Variants in DNAH17 observed in about 807,000 individuals in gnomAD.
DNAH17 encodes dynein axonemal heavy chain 17, also known as axonemal beta dynein heavy chain 17.
In DNAH17, 376 loss-of-function variants were observed where a neutral mutation model predicts 485.6. The ratio of observed to expected loss-of-function variants is 0.77; its 90% CI spans 0.71 to 0.84. DNAH17 has a LOEUF of 0.84. Ranked by LOEUF, DNAH17 falls within the 40% of genes least tolerant of loss-of-function variation. The pLI is 0.00. For synonymous variants in DNAH17, 3,031 were observed against 2,405.9 expected (o/e 1.26, Z -7.60); for missense variants, 6,370 against 5,839.3 (o/e 1.09, Z -2.96).
At chr17:78,508,887 C>T (rs2090560052) in intron 27 of DNAH17, among the ~76,000 whole-genome samples, 1 of 151,602 alleles carries the variant, frequency 6.6e-6, no homozygotes, top group Admixed American at 6.6e-5. Flanking sequence ...CCGCAGCCTC[C>T]ATCTCCTGAG....
At chr17:78,530,924 C>G (rs932855365) in intron 20 of DNAH17, among the ~76,000 whole-genome samples, 24 of 152,334 alleles carry the variant, frequency 1.6e-4, no homozygotes, top group African/African-American at 5.5e-4. Flanking sequence ...GCATGGGTCA[C>G]CCTTGCCCAC....
Position 78,491,508 on chromosome 17 carries a change from T to C in DNAH17, c.6604A>G (p.Ile2202Val), listed in dbSNP as rs1411771946. The change falls in exon 43 of 81, where the codon ATC becomes GTC. Residue 2202 changes from isoleucine to valine, a missense_variant. By Grantham distance (29) the Ile-to-Val change is conservative (BLOSUM62 3). Transcript: ENST00000389840. Reference sequence around the variant, plus strand: ...ATGGGGTCTATGTCTCCGTCAAGGATGATCCACTTGGGGCCGTCATGGGTG... The same window carrying C: ...ATGGGGTCTATGTCTCCGTCAAGGACGATCCACTTGGGGCCGTCATGGGTG... ...NITHDGPKWIILDGDIDPMWI... is the reference protein window; with the variant it reads ...NITHDGPKWIVLDGDIDPMWI... 1.2e-5 allele frequency: 20 copies of C among 1,613,802 alleles called. No individual in the cohort carries two copies. Among genetic ancestry groups the C allele is most frequent in the Admixed American group, 1.7e-5 (1 of 59,974 alleles).
intron 63 of DNAH17, among the ~76,000 whole-genome samples, chr17:78,455,265 T>C (rs935062063): frequency 6.6e-6 from 1 of 151,630 alleles, no homozygotes; most frequent in Non-Finnish European, 1.5e-5. Flanking sequence ...GAAGTCAAGG[T>C]GCCATGTGGC....
chr17:78,477,975 TCA>T, intron 51 of DNAH17, among the ~76,000 whole-genome samples: 1 of 105,682 alleles, frequency 9.5e-6, no homozygotes, highest in African/African-American at 5.7e-5. Context: ...ACCACCACCA[TCA>T]TCATCACCAC....
intron 50 of DNAH17, 111 bp downstream of exon 50, chr17:78,479,374 T>C (rs955711102): frequency 1.7e-5 from 23 of 1,322,276 alleles, no homozygotes; most frequent in Admixed American, 3.0e-5. Flanking sequence ...TTTTAAGATA[T>C]TGATTTAGAA....
At position 78,525,207 on chromosome 17, in the gene DNAH17, G is replaced by A. The variant is rs371391866; in HGVS notation, c.3712-46C>T. 47 of 1,593,522 alleles carry A rather than the reference G, an allele frequency of 2.9e-5. No homozygotes were observed. The Middle Eastern group carries it at 7.0e-4, about 24-fold the overall frequency. ...GTCAGTAGGGCTACCTACCCTCAGC[G>A]GTGCCCCACCCCACTCCCCGACGTT... On this transcript the variant is annotated intron_variant, in intron 24 of 80. Coordinates refer to ENST00000389840, the MANE Select transcript of DNAH17 (RefSeq NM_173628.4).
intron 30 of DNAH17, among the ~76,000 whole-genome samples, chr17:78,505,726 C>G (rs1006607468): frequency 6.6e-6 from 1 of 152,216 alleles, no homozygotes; most frequent in Non-Finnish European, 1.5e-5. Context: ...CACCTGTAAT[C>G]CCAGCACTTT....
At chr17:78,533,434 G>T (rs552302921) in intron 19 of DNAH17, among the ~76,000 whole-genome samples, 1 of 152,174 alleles carries the variant, frequency 6.6e-6, no homozygotes, top group Non-Finnish European at 1.5e-5. Context: ...AGCAAAGCAC[G>T]TGCAAAGGCC....
At chr17:78,544,811 A>AAAAAAAAAAAAAAG (rs2091710226) in intron 16 of DNAH17, among the ~76,000 whole-genome samples, 1 of 150,052 alleles carries the variant, frequency 6.7e-6, no homozygotes, top group East Asian at 2.0e-4. Flanking sequence ...AAAAAAAAAA[A>AAAAAAAAAAAAAAG]AAAAAAAAAA....
Position 78,494,795 on chromosome 17 carries a change from G to T in DNAH17, c.6068C>A (p.Ala2023Asp). The T allele has an allele frequency of 1.9e-6, 3 of 1,611,064 alleles. No homozygotes were observed. The highest frequency in any genetic ancestry group is 2.5e-6 in the Non-Finnish European group (3 of 1,178,236). ...GGCCACCACCAGCACAGACTTGATG[G>T]CTCTCAGGCCCCAGTCGTAATGATC... Reference protein sequence around the residue: ...KQDHYDWGLRAIKSVLVVAGS... With the variant: ...KQDHYDWGLRDIKSVLVVAGS... Residue 2023 changes from alanine (A) to aspartate (D), a missense_variant, in exon 40 of 81, where the codon GCC becomes GAC. Ala to Asp is a moderately radical substitution (Grantham distance 126, BLOSUM62 -2). Transcript: ENST00000389840.
intron 64 of DNAH17, among the ~76,000 whole-genome samples, chr17:78,453,941 C>G (rs1168577011): frequency 1.3e-5 from 2 of 152,102 alleles, no homozygotes; most frequent in African/African-American, 4.8e-5. Flanking sequence ...CTCCTGAGCT[C>G]AAGCGATCCT....
intron 14 of DNAH17, among the ~76,000 whole-genome samples, chr17:78,553,283 G>GGTGTTT (rs2091944708): frequency 5.3e-4 from 27 of 51,034 alleles, no homozygotes; most frequent in African/African-American, 2.4e-3. Flanking sequence ...AGGTTTTTGT[G>GGTGTTT]TTTTTTTTTT....
intron 7 of DNAH17, among the ~76,000 whole-genome samples, 195 bp downstream of exon 7, chr17:78,570,052 A>G (rs1193382447): frequency 1.3e-5 from 2 of 152,184 alleles, no homozygotes; most frequent in African/African-American, 4.8e-5. Context: ...CTTTTCCCTC[A>G]GTACCCTCCC....
At chr17:78,463,565 C>A (rs2088261377) in intron 56 of DNAH17, among the ~76,000 whole-genome samples, 1 of 152,232 alleles carries the variant, frequency 6.6e-6, no homozygotes, top group South Asian at 2.1e-4. Flanking sequence ...TGCACATATA[C>A]ACATGCACAC....
intron 80 of DNAH17, among the ~76,000 whole-genome samples, chr17:78,424,766 G>T (rs2086349155): frequency 6.6e-6 from 1 of 152,216 alleles, no homozygotes; most frequent in African/African-American, 2.4e-5. Context: ...GGTATGTGGT[G>T]GTGGCATTGC....
rs886362705 is a variant in DNAH17, at chr17:78,569,326, A to G, written c.1197+49T>C. The G allele has an allele frequency of 3.7e-6, 6 of 1,606,888 alleles. No individual in the cohort carries two copies. In the Admixed American group the frequency reaches 6.8e-5, roughly 18 times the overall value. ...AAGTTTATCAAATATCGGGGCTCAT[A>G]TGAACTCACTCGTCCTGCCTTGGCC... On this transcript the variant is annotated intron_variant, in intron 8 of 80. Coordinates refer to ENST00000389840, the MANE Select transcript of DNAH17 (RefSeq NM_173628.4).
In DNAH17 at chr17:78,539,870, T is replaced by A. The variant is rs766759500; in HGVS notation, c.2543A>T (p.Glu848Val). The change falls in exon 18 of 81, where the codon GAA becomes GTA. Residue 848 changes from glutamate to valine, a missense_variant. Glu to Val is a moderately radical substitution (Grantham distance 121). Transcript: ENST00000389840. The part of the protein sequence containing the change: ...KIQAMVAENA[E>V]LFRADTLSLP... ...GCTCAGTGTGTCTGCCCTGAATAGTTCTGCGTTTTCCTGCAAACAGAAGCG... is the reference window on the plus strand; with the variant it reads ...GCTCAGTGTGTCTGCCCTGAATAGTACTGCGTTTTCCTGCAAACAGAAGCG... 6.3e-7 allele frequency: 1 copy of A among 1,577,268 alleles called. No individual in the cohort carries two copies. Among genetic ancestry groups the A allele is most frequent in the Non-Finnish European group, 8.6e-7 (1 of 1,166,408 alleles).
At chr17:78,454,161 G>A (rs1320286158) in intron 64 of DNAH17, among the ~76,000 whole-genome samples, 2 of 152,166 alleles carry the variant, frequency 1.3e-5, no homozygotes, top group Non-Finnish European at 2.9e-5. Context: ...TACAGACCAC[G>A]AGACCCAGGA....
At chr17:78,480,548 C>T (rs565845666) in intron 49 of DNAH17, 136 bp downstream of exon 49, 6 of 662,612 alleles carry the variant, frequency 9.1e-6, no homozygotes, top group South Asian at 4.8e-5. Flanking sequence ...CTGACACATT[C>T]TGCAAAGTTA....
Sources: gnomAD v4.1 joint callset for allele counts (sites outside exome capture counted in the v4.1 genomes callset) on GRCh38, gnomAD v4.1.1 for gene constraint, MANE v1.5 for transcripts, NCBI Gene and HGNC (gene_info 2026-07-23, HGNC 2026-07-21) for gene names.